VPS8: variants seen among roughly 807,000 people sequenced by gnomAD.
VPS8 encodes the protein vacuolar protein sorting-associated protein 8 homolog.
In VPS8, 129 loss-of-function variants were observed where a neutral mutation model predicts 216.4. The ratio of observed to expected loss-of-function variants is 0.60; its 90% CI spans 0.52 to 0.69. VPS8 has a LOEUF of 0.69. Ranked by LOEUF, VPS8 falls within the 30% of genes least tolerant of loss-of-function variation. VPS8 has a pLI of 0.00. For synonymous variants in VPS8, 571 were observed against 565.4 expected, an observed-to-expected ratio of 1.01 and a Z score of -0.14; for missense variants, 1,531 against 1,683.5, an observed-to-expected ratio of 0.91 and a Z score of 1.59.
intron 18 of VPS8, 82 bp downstream of exon 18, chr3:184,868,141 A>T: frequency 7.1e-7 from 1 of 1,417,842 alleles, no homozygotes; most frequent in Non-Finnish European, 9.9e-7. Context: ...TCAGAAGAAG[A>T]TTATTTGGTA....
chr3:185,038,329 G>C (rs370223969), intron 46 of VPS8, among the ~76,000 whole-genome samples: 2 of 152,274 alleles, frequency 1.3e-5, no homozygotes, highest in East Asian at 3.9e-4. Flanking sequence ...CCTGATGATT[G>C]CTCTATTGTT....
Position 184,884,484 on chromosome 3 carries a change from G to A in VPS8, c.1735-1626G>A, listed in dbSNP as rs556882120. On this transcript the variant is annotated intron_variant, in intron 21 of 47. Transcript: ENST00000625842. ...GGCTCAGTTGTTCTCATACTAAGGA[G>A]ATAGTATAAATTCAAATCCCAGCTC... Among the ~76,000 whole-genome samples the A allele has an allele frequency of 3.9e-5, 6 of 152,244 alleles. No individual in the cohort carries two copies. In the East Asian group the frequency reaches 9.7e-4, roughly 25 times the overall value.
rs770251141 is a variant in VPS8 at position 184,999,847 on chromosome 3, A to G, written c.3988A>G (p.Ile1330Val). Residue 1330 changes from isoleucine to valine, a missense_variant, in exon 45 of 48, where the codon ATA (isoleucine) becomes GTA (valine). Physicochemically the swap from Ile to Val is conservative, Grantham distance 29 (BLOSUM62 3). This residue lies in a region of VPS8 where 1,318 missense variants were observed against 1,468.4 expected (regional missense o/e 0.90). Transcript: ENST00000625842. The stretch of plus-strand genomic sequence containing the variant: ...TTCATCTGAAATTAAAAAGGGAAGG[A>G]TAACCCCATCACAGGTAAGACTTGT... ...ENSSEIKKGR[I>V]TPSQVKMSPS... is the part of the protein sequence containing the mutation. The G allele has an allele frequency of 1.2e-6, 2 of 1,610,958 alleles. No homozygotes were observed. Among genetic ancestry groups the G allele is most frequent in the Non-Finnish European group, 8.5e-7 (1 of 1,178,828 alleles).
chr3:185,011,532 C>T (rs542566850), intron 45 of VPS8, among the ~76,000 whole-genome samples: 1 of 152,330 alleles, frequency 6.6e-6, no homozygotes, highest in South Asian at 2.1e-4. Context: ...AAATTGTGTA[C>T]AGACAGACAG....
At position 184,902,796 on chromosome 3, in the gene VPS8, C is replaced by G. The variant is rs537843438; in HGVS notation, c.2146+1824C>G. On this transcript the variant is annotated intron_variant, in intron 25 of 47. Coordinates refer to ENST00000625842, the MANE Select transcript of VPS8 (RefSeq NM_001009921.3). ...AGTGAGCCGAGATCGCGCCACTGTACTCTAGCTGGGGCAACAGAGTGAGAT... is the reference window on the plus strand; with the variant it reads ...AGTGAGCCGAGATCGCGCCACTGTAGTCTAGCTGGGGCAACAGAGTGAGAT... 1.8e-4 allele frequency among the ~76,000 whole-genome samples: 27 copies of G among 149,836 alleles called. No individual in the cohort carries two copies. The South Asian group carries it at 4.4e-3, about 25-fold the overall frequency.
chr3:184,897,288 A>G (rs2108959304), intron 23 of VPS8, among the ~76,000 whole-genome samples: 1 of 152,240 alleles, frequency 6.6e-6, no homozygotes, highest in East Asian at 1.9e-4. Context: ...TGGATGTTTT[A>G]GAGATAGAAT....
At chr3:184,933,470 A>G (rs1741047331) in intron 34 of VPS8, among the ~76,000 whole-genome samples, 1 of 151,964 alleles carries the variant, frequency 6.6e-6, no homozygotes, top group Non-Finnish European at 1.5e-5. Flanking sequence ...TTTATCAGCA[A>G]TATATATTGC....
chr3:185,037,551 T>C (rs1759084055), intron 46 of VPS8, among the ~76,000 whole-genome samples: 1 of 152,222 alleles, frequency 6.6e-6, no homozygotes, highest in African/African-American at 2.4e-5. Flanking sequence ...TGTATTAAAA[T>C]ATTTTCACTC....
chr3:184,950,171 G>GT (rs1423227306), intron 36 of VPS8, among the ~76,000 whole-genome samples: 1 of 141,078 alleles, frequency 7.1e-6, no homozygotes, highest in Non-Finnish European at 1.5e-5. Context: ...GCCTCCCAAA[G>GT]TGCTGGGATT....
intron 21 of VPS8, among the ~76,000 whole-genome samples, chr3:184,871,681 T>G (rs1184839353): frequency 2.0e-5 from 3 of 152,178 alleles, no homozygotes; most frequent in African/African-American, 7.2e-5. Flanking sequence ...TGGGCAATAG[T>G]AAAATTTACA....
In VPS8 at chr3:184,960,524, A is replaced by T. The variant is rs189008837; in HGVS notation, c.3183+3003A>T. On this transcript the variant is annotated intron_variant, in intron 37 of 47. Transcript: ENST00000625842. ...ACATAACCAGATTTCTAGGAATCTCATAGAATTTTGGAACACATATTAATA... is the reference window on the plus strand; with the variant it reads ...ACATAACCAGATTTCTAGGAATCTCTTAGAATTTTGGAACACATATTAATA... 2.3e-4 allele frequency among the ~76,000 whole-genome samples: 35 copies of T among 152,328 alleles called. No homozygotes were observed. The East Asian group carries it at 3.3e-3, about 14-fold the overall frequency.
In VPS8 at chr3:185,005,573, T is replaced by C. The variant is rs937771278; in HGVS notation, c.4002+5712T>C. ...TTCAGCAGTGTTTTGTAGTTTTCCT[T>C]GTAGAGGTCTTTCAACTCCTTGGTT... On this transcript the variant is annotated intron_variant, in intron 45 of 47. Coordinates refer to ENST00000625842, the MANE Select transcript of VPS8 (RefSeq NM_001009921.3). Among the ~76,000 whole-genome samples the C allele has an allele frequency of 3.9e-5, 6 of 152,138 alleles. No homozygotes were observed. In the East Asian group the frequency reaches 9.6e-4, roughly 24 times the overall value.
intron 1 of VPS8, chr3:184,815,843 A>G (rs962693806): frequency 6.6e-6 from 1 of 151,838 alleles, no homozygotes; most frequent in Non-Finnish European, 1.5e-5. Flanking sequence ...AAAAGAATAA[A>G]TCTCTCATGA....
intron 3 of VPS8, among the ~76,000 whole-genome samples, chr3:184,830,347 T>C (rs1044778194): frequency 6.0e-5 from 9 of 151,128 alleles, no homozygotes; most frequent in Admixed American, 2.6e-4. Flanking sequence ...GGTCTTGATA[T>C]CTGGTAGTTT....
At chr3:184,865,463 T>G (rs1016798364) in intron 16 of VPS8, among the ~76,000 whole-genome samples, 3 of 152,146 alleles carry the variant, frequency 2.0e-5, no homozygotes, top group African/African-American at 4.8e-5. Flanking sequence ...CTGTAAAGAT[T>G]TAGAAGTGGA....
chr3:184,887,625 A>G (rs1034630342), intron 22 of VPS8, among the ~76,000 whole-genome samples: 1 of 152,228 alleles, frequency 6.6e-6, no homozygotes, highest in Non-Finnish European at 1.5e-5. Context: ...ATTCAAATGC[A>G]TGAGTCTAGC....
intron 39 of VPS8, among the ~76,000 whole-genome samples, chr3:184,968,712 T>C (rs1212082092): frequency 6.6e-6 from 1 of 152,206 alleles, no homozygotes; most frequent in African/African-American, 2.4e-5. Flanking sequence ...ATTTTTTAAT[T>C]GGGTTGTTTG....
rs1753570156 is a variant in VPS8 at position 185,002,628 on chromosome 3, CA to C, written c.4002+2770del. On this transcript the variant is annotated intron_variant, in intron 45 of 47. Coordinates refer to ENST00000625842, the MANE Select transcript of VPS8 (RefSeq NM_001009921.3). ...AGTCCTTCCCCCCTCCCTGAGTCCCCAAAGTCCATTATTTCATTCTTATGCT... is the reference window on the plus strand; with the variant it reads ...AGTCCTTCCCCCCTCCCTGAGTCCCCAAGTCCATTATTTCATTCTTATGCT... 3.9e-5 allele frequency among the ~76,000 whole-genome samples: 6 copies of C among 152,228 alleles called. No individual in the cohort carries two copies. In the South Asian group the frequency reaches 1.2e-3, roughly 32 times the overall value.
chr3:184,832,957 AT>A, intron 4 of VPS8, 138 bp downstream of exon 4: 1 of 1,105,846 alleles, frequency 9.0e-7, no homozygotes, highest in Admixed American at 3.1e-5. Context: ...TATCTTGAAA[AT>A]TTTGGTACCA....
Sources: gnomAD v4.1 joint callset for allele counts (sites outside exome capture counted in the v4.1 genomes callset) on GRCh38, gnomAD v4.1.1 for gene constraint, gnomAD v4.1.1 regional missense constraint, MANE v1.5 for transcripts, NCBI Gene and HGNC (gene_info 2026-07-23, HGNC 2026-07-21) for gene names.